FAM110B: variants seen among roughly 807,000 people sequenced by gnomAD.
FAM110B encodes the protein family with sequence similarity 110 member B.
In FAM110B, 6 loss-of-function variants were observed where a neutral mutation model predicts 20.4. The observed-to-expected ratio is 0.29, with a 90% confidence interval of 0.16 to 0.58. FAM110B has a LOEUF of 0.58. Among genes scored for constraint, FAM110B ranks in the 20% least tolerant of loss-of-function variants. FAM110B has a pLI of 0.90. For synonymous variants in FAM110B, 226 were observed against 214.1 expected (o/e 1.06, Z -0.49); for missense variants, 434 against 498.2 (o/e 0.87, Z 1.23).
chr8:58,042,774 T>C (rs1805246439), intron 2 of FAM110B, among the ~76,000 whole-genome samples: 1 of 152,266 alleles, frequency 6.6e-6, no homozygotes. Flanking sequence ...ACATCAAAAC[T>C]GCTTATCAAA....
At chr8:58,073,606 A>T (rs912620920) in intron 2 of FAM110B, among the ~76,000 whole-genome samples, 2 of 152,212 alleles carry the variant, frequency 1.3e-5, no homozygotes, top group Non-Finnish European at 2.9e-5. Flanking sequence ...GTTTTCTTTA[A>T]CGTATCCAGA....
intron 2 of FAM110B, among the ~76,000 whole-genome samples, chr8:58,039,771 A>G (rs1475383106): frequency 1.3e-5 from 2 of 152,110 alleles, no homozygotes; most frequent in Non-Finnish European, 2.9e-5. Flanking sequence ...ATACACACAC[A>G]TTAGAGACAG....
chr8:58,075,020 T>G (rs1261776188), intron 2 of FAM110B, among the ~76,000 whole-genome samples: 1 of 152,182 alleles, frequency 6.6e-6, no homozygotes, highest in Non-Finnish European at 1.5e-5. Context: ...GTAAACAAAA[T>G]AGTTTCCAAA....
intron 1 of FAM110B, among the ~76,000 whole-genome samples, chr8:57,995,391 C>T (rs1413513644): frequency 6.6e-6 from 1 of 152,180 alleles, no homozygotes; most frequent in Admixed American, 6.5e-5. Context: ...TTGGTTACCC[C>T]CTCCAGCTCC....
chr8:58,113,475 G>A, intron 3 of FAM110B: 1 of 190,996 alleles, frequency 5.2e-6, no homozygotes, highest in Non-Finnish European at 1.1e-5. Flanking sequence ...CATCCTTTCA[G>A]ATGAGCATGG....
At chr8:58,126,872 G>A (rs1370390158) in intron 3 of FAM110B, among the ~76,000 whole-genome samples, 1 of 151,942 alleles carries the variant, frequency 6.6e-6, no homozygotes, top group Non-Finnish European at 1.5e-5. Flanking sequence ...TTTTAACAGA[G>A]CCCTTCACAG....
chr8:58,135,831 C>T (rs936144719), intron 3 of FAM110B, among the ~76,000 whole-genome samples: 2 of 152,008 alleles, frequency 1.3e-5, no homozygotes, highest in African/African-American at 2.4e-5. Flanking sequence ...TAAGGAGGCT[C>T]GCTGAGATGA....
intron 1 of FAM110B, among the ~76,000 whole-genome samples, chr8:57,996,901 T>G (rs989055921): frequency 6.6e-6 from 1 of 152,222 alleles, no homozygotes; most frequent in Non-Finnish European, 1.5e-5. Context: ...CCTAACTAGC[T>G]AAGATAAGAA....
At chr8:58,124,180 G>C (rs1207093246) in intron 3 of FAM110B, among the ~76,000 whole-genome samples, 1 of 152,170 alleles carries the variant, frequency 6.6e-6, no homozygotes, top group East Asian at 1.9e-4. Flanking sequence ...CTATTTTACT[G>C]ACTAGAGGCC....
At chr8:58,098,007 G>A (rs1297012179) in intron 3 of FAM110B, among the ~76,000 whole-genome samples, 1 of 152,230 alleles carries the variant, frequency 6.6e-6, no homozygotes, top group Non-Finnish European at 1.5e-5. Context: ...CCCCCAGTCA[G>A]GAGGCACGGG....
At chr8:58,030,675 A>C (rs140724091) in intron 1 of FAM110B, among the ~76,000 whole-genome samples, 194 of 152,336 alleles carry the variant, frequency 1.3e-3, no homozygotes, top group African/African-American at 4.4e-3. Flanking sequence ...TAAAGAAGAT[A>C]TCTATTGCAG....
Position 58,063,177 on chromosome 8 carries a change from C to T in FAM110B, c.-413-12358C>T, listed in dbSNP as rs576107582. 1.1e-4 allele frequency among the ~76,000 whole-genome samples: 17 copies of T among 152,190 alleles called. No homozygotes were observed. In the South Asian group the frequency reaches 2.7e-3, roughly 24 times the overall value. On this transcript the variant is annotated intron_variant, in intron 2 of 3. Transcript: ENST00000519262. ...ACGGGGCATAAGAATCTCTTAAGACCGAGACTTTAGAGGGGCCGCTCATGA... is the reference window on the plus strand; with the variant it reads ...ACGGGGCATAAGAATCTCTTAAGACTGAGACTTTAGAGGGGCCGCTCATGA...
intron 3 of FAM110B, among the ~76,000 whole-genome samples, chr8:58,118,939 A>G (rs1241099221): frequency 6.6e-6 from 1 of 152,194 alleles, no homozygotes; most frequent in Non-Finnish European, 1.5e-5. Context: ...GCCTACAGAC[A>G]TTATTCTTAT....
chr8:58,092,230 A>G (rs1239544318), intron 3 of FAM110B, among the ~76,000 whole-genome samples: 7 of 152,032 alleles, frequency 4.6e-5, no homozygotes, highest in Non-Finnish European at 1.0e-4. Flanking sequence ...TCATGGAGAC[A>G]TGCTATATTT....
chr8:58,003,781 G>T (rs1424227370), intron 1 of FAM110B, among the ~76,000 whole-genome samples: 1 of 152,196 alleles, frequency 6.6e-6, no homozygotes, highest in Non-Finnish European at 1.5e-5. Flanking sequence ...AGGCTTTGTT[G>T]TGTAGAGCAC....
intron 2 of FAM110B, among the ~76,000 whole-genome samples, chr8:58,045,611 A>G (rs948975031): frequency 1.3e-5 from 2 of 152,174 alleles, no homozygotes; most frequent in African/African-American, 4.8e-5. Context: ...TCTGACAGAC[A>G]TGTTTCATAG....
At chr8:58,020,293 TACTG>T (rs1170037560) in intron 1 of FAM110B, among the ~76,000 whole-genome samples, 4 of 152,220 alleles carry the variant, frequency 2.6e-5, no homozygotes, top group Admixed American at 1.3e-4. Context: ...ATTCTGTTCT[TACTG>T]ACTGTGTTTA....
intron 3 of FAM110B, among the ~76,000 whole-genome samples, chr8:58,088,148 T>A (rs1806383796): frequency 6.6e-6 from 1 of 152,334 alleles, no homozygotes; most frequent in Middle Eastern, 3.4e-3. Flanking sequence ...ACACACAGAC[T>A]ATCAAAATGT....
intron 2 of FAM110B, among the ~76,000 whole-genome samples, chr8:58,037,658 G>T (rs1166465175): frequency 6.6e-6 from 1 of 151,956 alleles, no homozygotes; most frequent in African/African-American, 2.4e-5. Context: ...AAAGTTTTCC[G>T]ATTTAGGTTG....
Sources: gnomAD v4.1 joint callset for allele counts (sites outside exome capture counted in the v4.1 genomes callset) on GRCh38, gnomAD v4.1.1 for gene constraint, MANE v1.5 for transcripts, NCBI Gene and HGNC (gene_info 2026-07-23, HGNC 2026-07-21) for gene names.